The following CACNB2 variants were observed in gnomAD, a reference collection of about 807,000 sequenced individuals.
CACNB2 encodes the protein calcium voltage-gated channel auxiliary subunit beta 2, also known as voltage-dependent L-type calcium channel subunit beta-2.
In CACNB2, 42 loss-of-function variants were observed where a neutral mutation model predicts 73.3. The observed-to-expected ratio is 0.57, with a 90% confidence interval of 0.45 to 0.74. The LOEUF is 0.74. Among genes scored for constraint, CACNB2 ranks in the 30% least tolerant of loss-of-function variants. CACNB2 has a pLI of 0.00. For missense variants in CACNB2, 940 were observed against 853.0 expected (o/e 1.10, Z -1.27); for synonymous variants, 348 against 310.3 (o/e 1.12, Z -1.28).
chr10:18,432,059 G>A (rs528064636), intron 3 of CACNB2, among the ~76,000 whole-genome samples: 3 of 152,206 alleles, frequency 2.0e-5, no homozygotes, highest in East Asian at 3.9e-4. Context: ...CACCGCACCC[G>A]GCCCAAGACT....
At chr10:18,191,312 G>A (rs1226746016) in intron 2 of CACNB2, among the ~76,000 whole-genome samples, 1 of 152,188 alleles carries the variant, frequency 6.6e-6, no homozygotes, top group Admixed American at 6.5e-5. Flanking sequence ...CACAGAGCTG[G>A]GGAAGGAACT....
chr10:18,487,064 C>T (rs1031438595), intron 3 of CACNB2, among the ~76,000 whole-genome samples: 32 of 152,178 alleles, frequency 2.1e-4, no homozygotes, highest in Admixed American at 1.8e-3. Context: ...GTCTGCTTTA[C>T]ATAGGGCGCG....
chr10:18,354,885 T>C (rs908782924), intron 2 of CACNB2, among the ~76,000 whole-genome samples: 8 of 151,924 alleles, frequency 5.3e-5, no homozygotes, highest in African/African-American at 1.9e-4. Flanking sequence ...ATATTACAGG[T>C]TGAGCATTCC....
chr10:18,484,703 C>T (rs575394056), intron 3 of CACNB2, among the ~76,000 whole-genome samples: 30 of 152,310 alleles, frequency 2.0e-4, no homozygotes, highest in Non-Finnish European at 4.0e-4. Flanking sequence ...CCCTGTCTCT[C>T]GTGCCACTCT....
intron 3 of CACNB2, among the ~76,000 whole-genome samples, chr10:18,494,357 C>T (rs568563495): frequency 1.4e-4 from 22 of 152,008 alleles, no homozygotes; most frequent in African/African-American, 4.1e-4. Context: ...GGGCTGGGTG[C>T]GGTGGCTCAC....
At position 18,401,956 on chromosome 10, in the gene CACNB2, C is replaced by T. The variant is rs758349246; in HGVS notation, c.246C>T (p.Ser82=). 6.2e-7 allele frequency: 1 copy of T among 1,613,898 alleles called. No homozygotes were observed. Among genetic ancestry groups the T allele is most frequent in the Non-Finnish European group, 8.5e-7 (1 of 1,179,806 alleles). Residue 82 remains serine, a synonymous_variant, in exon 3 of 14, where the codon TCC becomes TCT. Transcript: ENST00000324631. ...CAGACTCCTACACTAGCCGTCCATC[C>T]GATTCCGATGTATCTCTGGAGGAGG... is the stretch of plus-strand genomic sequence containing the variant. ...GSADSYTSRP[S]DSDVSLEEDR... is the part of the protein sequence containing the mutation.
chr10:18,246,977 CCCCG>C (rs2036887995), intron 2 of CACNB2, among the ~76,000 whole-genome samples: 1 of 152,146 alleles, frequency 6.6e-6, no homozygotes, highest in Non-Finnish European at 1.5e-5. Context: ...GCCTTGCATA[CCCCG>C]TGAAACCTCA....
At chr10:18,255,121 C>T (rs2037229595) in intron 2 of CACNB2, among the ~76,000 whole-genome samples, 1 of 152,198 alleles carries the variant, frequency 6.6e-6, no homozygotes, top group Non-Finnish European at 1.5e-5. Flanking sequence ...TGGCACAAAT[C>T]TGATCATGCC....
chr10:18,156,017 T>C (rs948241660), intron 2 of CACNB2, among the ~76,000 whole-genome samples: 5 of 152,016 alleles, frequency 3.3e-5, no homozygotes, highest in African/African-American at 1.2e-4. Flanking sequence ...TTCTCATTAG[T>C]CATAATTAAT....
intron 3 of CACNB2, among the ~76,000 whole-genome samples, chr10:18,494,528 A>C (rs1018133259): frequency 1.3e-5 from 2 of 149,978 alleles, no homozygotes; most frequent in Admixed American, 1.3e-4. Flanking sequence ...GCTACTCGGG[A>C]GGCTGAGGCA....
intron 2 of CACNB2, among the ~76,000 whole-genome samples, chr10:18,397,494 G>A (rs762315340): frequency 3.3e-5 from 5 of 151,744 alleles, no homozygotes; most frequent in African/African-American, 4.8e-5. Context: ...AAAGGGTGAC[G>A]CTTTCTTGTG....
intron 2 of CACNB2, among the ~76,000 whole-genome samples, chr10:18,289,698 T>C (rs569074918): frequency 2.0e-5 from 3 of 152,302 alleles, no homozygotes; most frequent in Admixed American, 6.5e-5. Flanking sequence ...GCTGGATGGA[T>C]GGATGGCACA....
chr10:18,243,676 G>A (rs1294971547), intron 2 of CACNB2, among the ~76,000 whole-genome samples: 2 of 152,108 alleles, frequency 1.3e-5, no homozygotes, highest in Non-Finnish European at 2.9e-5. Context: ...GAGCAGGATG[G>A]TTAAGAAGAG....
At chr10:18,208,207 C>A (rs1031709266) in intron 2 of CACNB2, among the ~76,000 whole-genome samples, 35 of 152,286 alleles carry the variant, frequency 2.3e-4, no homozygotes, top group African/African-American at 8.4e-4. Flanking sequence ...TGGCTCATGC[C>A]TGTAACCTCA....
At chr10:18,367,994 A>T (rs2042425391) in intron 2 of CACNB2, among the ~76,000 whole-genome samples, 1 of 152,286 alleles carries the variant, frequency 6.6e-6, no homozygotes, top group South Asian at 2.1e-4. Context: ...TGAAAACGAA[A>T]TTCCCTTTTT....
At chr10:18,248,800 G>A (rs1025994568) in intron 2 of CACNB2, among the ~76,000 whole-genome samples, 7 of 152,124 alleles carry the variant, frequency 4.6e-5, no homozygotes, top group Non-Finnish European at 1.0e-4. Context: ...CCGTGATGGA[G>A]ACAGACTTTC....
chr10:18,177,031 T>A (rs1227558964), intron 2 of CACNB2, among the ~76,000 whole-genome samples: 1 of 152,038 alleles, frequency 6.6e-6, no homozygotes, highest in Non-Finnish European at 1.5e-5. Flanking sequence ...TGAGGGAAAG[T>A]GTTGTTTTCA....
At chr10:18,513,237 G>A (rs1174097049) in intron 6 of CACNB2, 1 of 155,162 alleles carries the variant, frequency 6.4e-6, no homozygotes, top group Non-Finnish European at 1.4e-5. Flanking sequence ...ATGGTTCATT[G>A]TTGTTGCACA....
intron 2 of CACNB2, among the ~76,000 whole-genome samples, chr10:18,179,472 C>T (rs1001649105): frequency 1.3e-5 from 2 of 152,158 alleles, no homozygotes; most frequent in Admixed American, 6.5e-5. Context: ...CTGAATAAAA[C>T]TTTGATTTTT....
Sources: allele counts gnomAD v4.1 joint callset (sites outside exome capture counted in the v4.1 genomes callset), GRCh38; gene constraint gnomAD v4.1.1; transcripts MANE v1.5; gene names NCBI Gene and HGNC (gene_info 2026-07-23, HGNC 2026-07-21).